Variants in SBF2 observed in about 807,000 individuals in gnomAD.
SBF2 encodes myotubularin-related protein 13.
A neutral mutation model predicts 225.2 loss-of-function variants in SBF2; 112 were observed. The ratio of observed to expected loss-of-function variants is 0.50; its 90% confidence interval spans 0.43 to 0.58. The LOEUF (loss-of-function observed/expected upper bound fraction) is 0.58. Among genes scored for constraint, SBF2 ranks in the 20% least tolerant of loss-of-function variants. The pLI is 0.00. For synonymous variants in SBF2, 763 were observed against 773.3 expected (o/e 0.99, Z 0.22); for missense variants, 1,996 against 2,206.2 (o/e 0.90, Z 1.91).
intron 13 of SBF2, among the ~76,000 whole-genome samples, chr11:9,980,198 C>T (rs1946884770): frequency 6.6e-6 from 1 of 150,700 alleles, no homozygotes. Context: ...CCAAGCTGGT[C>T]TCGAACTCCT....
At chr11:10,126,490 T>C (rs182666264) in intron 2 of SBF2, among the ~76,000 whole-genome samples, 304 of 152,144 alleles carry the variant, frequency 2.0e-3, no homozygotes, top group African/African-American at 6.6e-3. Flanking sequence ...ACTACAGCAA[T>C]AGAAGGCTGG....
At chr11:10,131,652 G>A (rs1258690189) in intron 2 of SBF2, among the ~76,000 whole-genome samples, 1 of 152,084 alleles carries the variant, frequency 6.6e-6, no homozygotes, top group African/African-American at 2.4e-5. Flanking sequence ...CAGGCTGGAG[G>A]CTGGTCTCAA....
At chr11:10,146,361 C>T (rs920490872) in intron 2 of SBF2, among the ~76,000 whole-genome samples, 2 of 152,026 alleles carry the variant, frequency 1.3e-5, no homozygotes, top group Non-Finnish European at 2.9e-5. Context: ...ACGGGGCTGC[C>T]ACAAAATCAG....
intron 38 of SBF2, 68 bp from the exon 39 acceptor site, chr11:9,781,706 G>A: frequency 6.4e-7 from 1 of 1,561,404 alleles, no homozygotes; most frequent in Non-Finnish European, 8.8e-7. Context: ...TTTTCAAACT[G>A]CATTTGAATA....
intron 2 of SBF2, among the ~76,000 whole-genome samples, chr11:10,070,837 G>A (rs963685036): frequency 3.3e-5 from 5 of 152,066 alleles, no homozygotes; most frequent in Non-Finnish European, 7.4e-5. Context: ...TTATTTCGTT[G>A]AGCAGTGGTT....
chr11:9,973,027 A>G (rs761169402), intron 13 of SBF2, among the ~76,000 whole-genome samples: 6 of 152,212 alleles, frequency 3.9e-5, no homozygotes, highest in African/African-American at 1.2e-4. Context: ...TATGCCCCAG[A>G]ATACAGTAAT....
At chr11:10,202,891 A>G (rs1817687904) in intron 1 of SBF2, among the ~76,000 whole-genome samples, 1 of 152,166 alleles carries the variant, frequency 6.6e-6, no homozygotes, top group African/African-American at 2.4e-5. Flanking sequence ...CAACTAAAAA[A>G]ACAAAATCTA....
chr11:9,849,941 C>G, intron 22 of SBF2, 82 bp downstream of exon 22: 1 of 1,313,920 alleles, frequency 7.6e-7, no homozygotes, highest in Non-Finnish European at 1.1e-6. Context: ...TTAAAATGAT[C>G]TGCAAATCAC....
At chr11:9,992,334 T>A in intron 12 of SBF2, 81 bp downstream of exon 12, 1 of 1,103,806 alleles carries the variant, frequency 9.1e-7, no homozygotes, top group South Asian at 1.7e-5. Context: ...ACTATATAAA[T>A]ATGGAAAATG....
At chr11:10,178,319 C>T (rs1301331750) in intron 2 of SBF2, among the ~76,000 whole-genome samples, 2 of 150,078 alleles carry the variant, frequency 1.3e-5, no homozygotes, top group Non-Finnish European at 3.0e-5. Context: ...AAAGCAATGG[C>T]AACAAAAGCC....
chr11:9,909,578 G>A (rs1862418548), intron 16 of SBF2, among the ~76,000 whole-genome samples: 1 of 151,448 alleles, frequency 6.6e-6, no homozygotes, highest in Admixed American at 6.6e-5. Context: ...GCTGAGGCAG[G>A]AGAATGGCAT....
intron 16 of SBF2, among the ~76,000 whole-genome samples, chr11:9,913,007 C>T (rs1428972913): frequency 6.6e-6 from 1 of 152,180 alleles, no homozygotes; most frequent in Non-Finnish European, 1.5e-5. Context: ...GAAAACCGTG[C>T]TGGGTGTGGT....
rs546522229 is a variant in SBF2 at position 10,253,118 on chromosome 11, C to CAAAAAAAAAAAAAAAAAAA, written c.55+40878_55+40896dup. Among the ~76,000 whole-genome samples the CAAAAAAAAAAAAAAAAAAA allele has an allele frequency of 9.1e-5, 7 of 77,250 alleles. 1 individual carries two copies. The highest frequency in any genetic ancestry group is 1.6e-4 in the Admixed American group (1 of 6,172). The allele number at this position is 77,250 out of a possible 152,430, so 50.7% of individuals were successfully genotyped here. A position where few individuals can be genotyped will look rare whatever the true frequency, so the allele number is the denominator to read the frequency against. ...CAACCTCCACACAAGAGGTAAATACCAAAAAAAAAAAAAAAAAAAAAAAAT... is the reference window on the plus strand; with the variant it reads ...CAACCTCCACACAAGAGGTAAATACCAAAAAAAAAAAAAAAAAAAAAAAAAAAAAAAAAAAAAAAAAAAT... On this transcript the variant is annotated intron_variant, in intron 1 of 39. Coordinates refer to ENST00000256190, the MANE Select transcript of SBF2 (RefSeq NM_030962.4).
chr11:10,174,991 T>C (rs1249066007), intron 2 of SBF2, among the ~76,000 whole-genome samples: 1 of 151,820 alleles, frequency 6.6e-6, no homozygotes, highest in African/African-American at 2.4e-5. Context: ...AGGCCTGCCC[T>C]AAAAGAGCTC....
intron 2 of SBF2, among the ~76,000 whole-genome samples, chr11:10,054,604 T>G (rs1051693426): frequency 1.3e-5 from 2 of 152,060 alleles, no homozygotes; most frequent in Admixed American, 1.3e-4. Flanking sequence ...AAAGAAATAA[T>G]CAACGGAGTG....
chr11:10,192,790 C>A (rs918002174), intron 2 of SBF2, among the ~76,000 whole-genome samples: 6 of 152,178 alleles, frequency 3.9e-5, no homozygotes, highest in African/African-American at 1.2e-4. Flanking sequence ...ACCAAATGTC[C>A]TCTCAACAGG....
In SBF2 at chr11:10,247,752, G is replaced by C. The variant is rs868430141; in HGVS notation, c.55+46263C>G. On this transcript the variant is annotated intron_variant, in intron 1 of 39. Coordinates refer to ENST00000256190, the MANE Select transcript of SBF2 (RefSeq NM_030962.4). ...TCAAAATAGGAGGCAAAGCAAGATG[G>C]CTACATAGAAGCCTACAACAATCAT... 1.6e-4 allele frequency among the ~76,000 whole-genome samples: 25 copies of C among 152,146 alleles called. No individual in the cohort carries two copies. In the Middle Eastern group the frequency reaches 0.027, roughly 166 times the overall value.
At chr11:10,016,767 T>C (rs753690691) in intron 6 of SBF2, 2 of 152,218 alleles carry the variant, frequency 1.3e-5, no homozygotes, top group Non-Finnish European at 2.9e-5. Flanking sequence ...ATTACAGGCG[T>C]GAGCCACCGT....
chr11:10,294,121 C>T lies in SBF2; in HGVS notation c.-52G>A. On this transcript the variant is annotated 5_prime_UTR_variant, in exon 1 of 40. Coordinates refer to ENST00000256190, the MANE Select transcript of SBF2 (RefSeq NM_030962.4). ...GGGTCCCCGTCGCCGCCCTCGCCGC[C>T]GCCGCCCACCCGGCCCGGGAGGGCT... 7.8e-7 allele frequency: 1 copy of T among 1,282,956 alleles called. No individual in the cohort carries two copies. Among genetic ancestry groups the T allele is most frequent in the South Asian group, 2.3e-5 (1 of 42,712 alleles). 79.5% of individuals were successfully genotyped at this position (1,282,956 alleles called of 1,614,324 possible).
Sources: gnomAD v4.1 joint callset for allele counts (sites outside exome capture counted in the v4.1 genomes callset) on GRCh38, gnomAD v4.1.1 for gene constraint, MANE v1.5 for transcripts, NCBI Gene and HGNC (gene_info 2026-07-23, HGNC 2026-07-21) for gene names.